PDLIM5: variants seen among roughly 807,000 people sequenced by gnomAD.
PDLIM5 encodes PDZ and LIM domain protein 5.
PDLIM5 carries 34 observed loss-of-function variants against 64.2 expected under a neutral mutation model. The ratio of observed to expected loss-of-function variants is 0.53; its 90% CI spans 0.40 to 0.71. The LOEUF (loss-of-function observed/expected upper bound fraction) is 0.71. Among genes scored for constraint, PDLIM5 ranks in the 30% least tolerant of loss-of-function variants. The pLI is 0.00. For missense variants in PDLIM5, 683 were observed against 733.6 expected (o/e 0.93, Z 0.80); for synonymous variants, 253 against 269.1 (o/e 0.94, Z 0.59).
intron 2 of PDLIM5, among the ~76,000 whole-genome samples, chr4:94,507,882 A>G (rs956890029): frequency 1.3e-4 from 20 of 152,202 alleles, no homozygotes; most frequent in Non-Finnish European, 1.5e-4. Context: ...TCTGCCAGGC[A>G]AACCAAAATC....
chr4:94,611,415 T>A (rs1429227504), intron 7 of PDLIM5, among the ~76,000 whole-genome samples: 1 of 152,238 alleles, frequency 6.6e-6, no homozygotes, highest in Non-Finnish European at 1.5e-5. Context: ...TTTTGTGACA[T>A]CTTTCCTTAG....
Position 94,665,995 on chromosome 4 carries a change from A to G in PDLIM5, c.*1928A>G. The G allele has an allele frequency of 6.5e-7, 1 of 1,532,608 alleles. No individual in the cohort carries two copies. The highest frequency in any genetic ancestry group is 8.7e-7 in the Non-Finnish European group (1 of 1,144,794). 94.9% of individuals were successfully genotyped at this position (1,532,608 alleles called of 1,614,324 possible). A position where few individuals can be genotyped will look rare whatever the true frequency, so the allele number is the denominator to read the frequency against. On this transcript the variant is annotated 3_prime_UTR_variant, in exon 13 of 13. Transcript: ENST00000317968. ...GCCCAGTGAGAAAACAGATTCTGGT[A>G]TTTGATTTGGTTTTTCTCTTTGTTT... is the stretch of plus-strand genomic sequence containing the variant.
At chr4:94,620,944 ACCTATAGT>A (rs140691427) in intron 8 of PDLIM5, among the ~76,000 whole-genome samples, 8,027 of 151,436 alleles carry the variant, frequency 0.053, 734 homozygotes, top group African/African-American at 0.18. Flanking sequence ...GGTGGTGGGC[ACCTATAGT>A]CCTAGCTACT....
At chr4:94,452,659 G>A (rs2126067089) in intron 1 of PDLIM5, among the ~76,000 whole-genome samples, 1 of 152,294 alleles carries the variant, frequency 6.6e-6, no homozygotes, top group South Asian at 2.1e-4. Flanking sequence ...CCTTCGGTGC[G>A]TTTTACAATA....
intron 11 of PDLIM5, among the ~76,000 whole-genome samples, 181 bp downstream of exon 11, chr4:94,657,728 C>T (rs577446550): frequency 5.9e-5 from 9 of 151,708 alleles, no homozygotes; most frequent in East Asian, 5.8e-4. Context: ...TCTTTTGAGA[C>T]GGAGTCTCAC....
At chr4:94,633,578 C>G (rs1352819285) in intron 8 of PDLIM5, among the ~76,000 whole-genome samples, 1 of 152,158 alleles carries the variant, frequency 6.6e-6, no homozygotes, top group Non-Finnish European at 1.5e-5. Context: ...TCTAAGACGT[C>G]TGGTTCCCTT....
chr4:94,495,041 G>A (rs1026591938), intron 2 of PDLIM5, among the ~76,000 whole-genome samples: 13 of 152,094 alleles, frequency 8.5e-5, no homozygotes, highest in African/African-American at 3.1e-4. Context: ...CACCATGCCC[G>A]GCCCGACCAT....
intron 2 of PDLIM5, among the ~76,000 whole-genome samples, chr4:94,462,689 G>C (rs1275324229): frequency 6.6e-6 from 1 of 152,140 alleles, no homozygotes; most frequent in Non-Finnish European, 1.5e-5. Flanking sequence ...CCTAGAAATG[G>C]AATTGATGAG....
At chr4:94,579,484 G>T in intron 5 of PDLIM5, 1 of 1,124,746 alleles carries the variant, frequency 8.9e-7, no homozygotes, top group Non-Finnish European at 1.3e-6. Context: ...AAAAAATGAT[G>T]TGGTAGTAAT....
rs548848360 is a variant in PDLIM5 at position 94,569,916 on chromosome 4, C to T, written c.249-3435C>T. Among the ~76,000 whole-genome samples the T allele has an allele frequency of 9.2e-5, 14 of 152,162 alleles. No homozygotes were observed. The South Asian group carries it at 2.9e-3, about 32-fold the overall frequency. ...ACAAATTGGGGTGATATCACTCACG[C>T]TCTGCCCTAATACCCTCTTATTTTC... is the stretch of plus-strand genomic sequence containing the variant. On this transcript the variant is annotated intron_variant, in intron 3 of 12. Coordinates refer to ENST00000317968, the MANE Select transcript of PDLIM5 (RefSeq NM_006457.5).
At chr4:94,601,113 C>A (rs544374434) in intron 7 of PDLIM5, among the ~76,000 whole-genome samples, 3 of 152,208 alleles carry the variant, frequency 2.0e-5, no homozygotes. Context: ...GCTGCTAGAA[C>A]AAAAATATCA....
intron 2 of PDLIM5, among the ~76,000 whole-genome samples, chr4:94,519,088 A>G (rs1171502276): frequency 1.3e-5 from 2 of 152,202 alleles, no homozygotes; most frequent in African/African-American, 2.4e-5. Context: ...GGGAAGGAGG[A>G]TGCAGTGAAT....
intron 8 of PDLIM5, among the ~76,000 whole-genome samples, chr4:94,625,455 CTTT>C (rs755099642): frequency 2.1e-5 from 3 of 141,764 alleles, no homozygotes; most frequent in Non-Finnish European, 1.6e-5. Context: ...TAATATTAGA[CTTT>C]TTTTTTTTTT....
At chr4:94,550,452 C>G (rs1732711158) in intron 3 of PDLIM5, among the ~76,000 whole-genome samples, 1 of 152,166 alleles carries the variant, frequency 6.6e-6, no homozygotes, top group Non-Finnish European at 1.5e-5. Context: ...TTATTTTAAG[C>G]TCTATCTGTT....
intron 8 of PDLIM5, among the ~76,000 whole-genome samples, chr4:94,625,611 C>A (rs569468376): frequency 2.6e-5 from 4 of 152,152 alleles, no homozygotes; most frequent in South Asian, 4.1e-4. Flanking sequence ...CGCCACCATG[C>A]CCGGCTAATG....
chr4:94,651,502 A>G (rs1741840757), intron 9 of PDLIM5, among the ~76,000 whole-genome samples: 1 of 152,244 alleles, frequency 6.6e-6, no homozygotes, highest in African/African-American at 2.4e-5. Context: ...TGTGAAATAT[A>G]AGATAATCTT....
intron 8 of PDLIM5, among the ~76,000 whole-genome samples, chr4:94,624,622 C>A (rs1739517825): frequency 6.6e-6 from 1 of 152,106 alleles, no homozygotes; most frequent in African/African-American, 2.4e-5. Flanking sequence ...TATGCAGGAA[C>A]AATATTTTAA....
Position 94,566,100 on chromosome 4 carries a change from C to T in PDLIM5, c.249-7251C>T, listed in dbSNP as rs575816667. ...TACCAAAGTTATTTTATAACTTTCT[C>T]TTTGATGTTATTCCAGAAGGCAGCC... On this transcript the variant is annotated intron_variant, in intron 3 of 12. Coordinates refer to ENST00000317968, the MANE Select transcript of PDLIM5 (RefSeq NM_006457.5). Among the ~76,000 whole-genome samples, 4 of 152,206 alleles carry T rather than the reference C, an allele frequency of 2.6e-5. No homozygotes were observed. The East Asian group carries it at 7.7e-4, about 29-fold the overall frequency.
intron 3 of PDLIM5, among the ~76,000 whole-genome samples, chr4:94,553,147 C>T (rs553967286): frequency 6.6e-6 from 1 of 151,890 alleles, no homozygotes; most frequent in East Asian, 1.9e-4. Flanking sequence ...TATTTTGAGA[C>T]GGGGTCTCAC....
Sources: gnomAD v4.1 joint callset for allele counts (sites outside exome capture counted in the v4.1 genomes callset) on GRCh38, gnomAD v4.1.1 for gene constraint, MANE v1.5 for transcripts, NCBI Gene and HGNC (gene_info 2026-07-23, HGNC 2026-07-21) for gene names.